CDH13: variants seen among roughly 807,000 people sequenced by gnomAD.
The protein encoded by CDH13 is cadherin-13.
In CDH13, 24 loss-of-function variants were observed where a neutral mutation model predicts 63.8. The observed-to-expected ratio is 0.38, with a 90% confidence interval of 0.27 to 0.53. The LOEUF (loss-of-function observed/expected upper bound fraction) is 0.53, where lower values mean the gene tolerates loss of function less well. Among genes scored for constraint, CDH13 ranks in the 20% least tolerant of loss-of-function variants. The probability of loss-of-function intolerance (pLI) is 0.85; values close to 1 mark genes in which losing one functional copy is unlikely to be tolerated. For synonymous variants in CDH13, 503 were observed against 355.3 expected (o/e 1.42, Z -4.67); for missense variants, 1,049 against 903.1 (o/e 1.16, Z -2.07).
intron 10 of CDH13, among the ~76,000 whole-genome samples, chr16:83,742,893 A>G (rs1360078348): frequency 2.0e-5 from 3 of 152,172 alleles, no homozygotes; most frequent in East Asian, 3.9e-4. Flanking sequence ...GAGGTCTCCC[A>G]TGGGAGGAGG....
intron 5 of CDH13, among the ~76,000 whole-genome samples, chr16:83,308,035 C>T (rs545998939): frequency 1.3e-5 from 2 of 152,210 alleles, no homozygotes; most frequent in East Asian, 3.9e-4. Flanking sequence ...CGTGTATTAC[C>T]TCAATCAGAA....
chr16:82,750,972 G>T (rs954566799), intron 1 of CDH13, among the ~76,000 whole-genome samples: 1 of 152,196 alleles, frequency 6.6e-6, no homozygotes, highest in Non-Finnish European at 1.5e-5. Context: ...ATGAAAGCTA[G>T]TCATCAGCAG....
At chr16:83,227,208 C>G (rs960709688) in intron 5 of CDH13, among the ~76,000 whole-genome samples, 1 of 152,182 alleles carries the variant, frequency 6.6e-6, no homozygotes, top group Non-Finnish European at 1.5e-5. Context: ...GAACAGGTGG[C>G]CAAGGATTAC....
chr16:83,509,762 C>T (rs1391986092), intron 7 of CDH13, among the ~76,000 whole-genome samples: 1 of 152,052 alleles, frequency 6.6e-6, no homozygotes, highest in African/African-American at 2.4e-5. Flanking sequence ...TTTATTAAAG[C>T]CTTATTATGA....
chr16:82,866,431 C>G (rs2040147237), intron 2 of CDH13, among the ~76,000 whole-genome samples: 2 of 124,146 alleles, frequency 1.6e-5, no homozygotes, highest in Admixed American at 2.1e-4. Context: ...CTTTGTCGCC[C>G]AGGCTGGAGT....
At chr16:82,993,477 A>G (rs1911876952) in intron 2 of CDH13, among the ~76,000 whole-genome samples, 1 of 152,206 alleles carries the variant, frequency 6.6e-6, no homozygotes, top group African/African-American at 2.4e-5. Flanking sequence ...GACTCTAGGA[A>G]CTGATCTTTG....
At chr16:83,007,016 C>A (rs1461359068) in intron 2 of CDH13, among the ~76,000 whole-genome samples, 5 of 151,794 alleles carry the variant, frequency 3.3e-5, no homozygotes, top group Admixed American at 3.3e-4. Flanking sequence ...CTCTGCCTCC[C>A]GGGCTCAGGC....
At chr16:83,183,000 AAAAATT>A (rs2038397553) in intron 4 of CDH13, among the ~76,000 whole-genome samples, 1 of 152,156 alleles carries the variant, frequency 6.6e-6, no homozygotes, top group South Asian at 2.1e-4. Context: ...AATAAAAAAT[AAAAATT>A]AAAAAAAAAC....
At chr16:82,917,314 G>A (rs554389437) in intron 2 of CDH13, among the ~76,000 whole-genome samples, 4 of 152,282 alleles carry the variant, frequency 2.6e-5, no homozygotes, top group Non-Finnish European at 5.9e-5. Context: ...CGTCAGGAAG[G>A]TGCCCTAGTT....
intron 6 of CDH13, among the ~76,000 whole-genome samples, chr16:83,387,934 G>T (rs1281748731): frequency 6.6e-6 from 1 of 152,160 alleles, no homozygotes; most frequent in Non-Finnish European, 1.5e-5. Flanking sequence ...AAGAATTTCT[G>T]TAGTGCTGGG....
At chr16:83,263,749 G>A (rs1251907848) in intron 5 of CDH13, among the ~76,000 whole-genome samples, 1 of 152,148 alleles carries the variant, frequency 6.6e-6, no homozygotes, top group Non-Finnish European at 1.5e-5. Flanking sequence ...GAGAGTGGCA[G>A]AGACAGCAGG....
chr16:83,037,368 C>G (rs1916955719), intron 3 of CDH13, among the ~76,000 whole-genome samples: 1 of 152,188 alleles, frequency 6.6e-6, no homozygotes. Flanking sequence ...ATTCTCCTTC[C>G]TGCCACTTTG....
At chr16:83,278,329 A>G (rs180737158) in intron 5 of CDH13, among the ~76,000 whole-genome samples, 1 of 152,138 alleles carries the variant, frequency 6.6e-6, no homozygotes, top group Non-Finnish European at 1.5e-5. Context: ...CCCATTCACC[A>G]TGGGCTCCTT....
chr16:83,772,297 A>C (rs1302542685), intron 11 of CDH13, among the ~76,000 whole-genome samples: 1 of 152,222 alleles, frequency 6.6e-6, no homozygotes, highest in Non-Finnish European at 1.5e-5. Flanking sequence ...CCCAAGTCTT[A>C]TGCTGCTAGA....
At chr16:82,796,795 T>C (rs2036601644) in intron 1 of CDH13, among the ~76,000 whole-genome samples, 1 of 152,186 alleles carries the variant, frequency 6.6e-6, no homozygotes, top group Non-Finnish European at 1.5e-5. Flanking sequence ...GAGGAAGGCT[T>C]TAAGACAGGG....
intron 1 of CDH13, among the ~76,000 whole-genome samples, chr16:82,856,384 AAAAAAGAAAAG>A (rs1234640079): frequency 3.2e-4 from 39 of 122,214 alleles, no homozygotes; most frequent in Admixed American, 2.0e-3. Context: ...CAAAAAAAAA[AAAAAAGAAAAG>A]AAAAGAAAAG....
chr16:82,884,709 G>A (rs1449087151), intron 2 of CDH13, among the ~76,000 whole-genome samples: 1 of 152,150 alleles, frequency 6.6e-6, no homozygotes, highest in African/African-American at 2.4e-5. Flanking sequence ...AGACTTAAAA[G>A]GCATCTCCAA....
intron 4 of CDH13, among the ~76,000 whole-genome samples, chr16:83,216,360 A>C (rs2039509478): frequency 7.8e-6 from 1 of 127,954 alleles, no homozygotes; most frequent in South Asian, 2.8e-4. Flanking sequence ...TTCATCCATT[A>C]AGTGGAAATA....
intron 1 of CDH13, among the ~76,000 whole-genome samples, chr16:82,681,597 G>C (rs140720197): frequency 0.013 from 1,954 of 152,346 alleles, 27 homozygotes; most frequent in Middle Eastern, 0.02. Context: ...AAACGTATCT[G>C]ACACTTTCTT....
Sources: allele counts gnomAD v4.1 joint callset (sites outside exome capture counted in the v4.1 genomes callset), GRCh38; gene constraint gnomAD v4.1.1; transcripts MANE v1.5; gene names NCBI Gene and HGNC (gene_info 2026-07-23, HGNC 2026-07-21).